The following SYNE1 variants were observed in gnomAD, a reference collection of about 807,000 sequenced individuals.
The protein encoded by SYNE1 is nesprin-1.
Under a neutral mutation model 1,111.0 loss-of-function variants are expected in SYNE1, and 616 were observed. The ratio of observed to expected loss-of-function variants is 0.55; its 90% CI spans 0.52 to 0.59. The LOEUF (loss-of-function observed/expected upper bound fraction) is 0.59. Ranked by LOEUF, SYNE1 falls within the 20% of genes least tolerant of loss-of-function variation. The pLI, the probability that SYNE1 is intolerant of heterozygous loss-of-function variation, is 0.00. For synonymous variants in SYNE1, 3,855 were observed against 3,825.8 expected, an observed-to-expected ratio of 1.01 and a Z score of -0.28; for missense variants, 10,006 against 10,417.0, an observed-to-expected ratio of 0.96 and a Z score of 1.72.
At chr6:152,350,069 T>C in intron 72 of SYNE1, 99 bp downstream of exon 72, 1 of 1,446,410 alleles carries the variant, frequency 6.9e-7, no homozygotes, top group Non-Finnish European at 9.7e-7. Flanking sequence ...GAGATGCACC[T>C]GTGTGTGCAC....
At chr6:152,490,317 AGG>A (rs1469793209) in intron 11 of SYNE1, among the ~76,000 whole-genome samples, 1 of 144,586 alleles carries the variant, frequency 6.9e-6, no homozygotes, top group Non-Finnish European at 1.5e-5. Flanking sequence ...GTGAATATCT[AGG>A]AACAACTACA....
chr6:152,527,325 C>T (rs943669105), intron 4 of SYNE1, among the ~76,000 whole-genome samples: 6 of 152,142 alleles, frequency 3.9e-5, no homozygotes, highest in African/African-American at 7.2e-5. Flanking sequence ...ATTTTTCTCT[C>T]ATTATAAAAT....
chr6:152,416,053 T>C (rs577729196), intron 41 of SYNE1, among the ~76,000 whole-genome samples: 13 of 152,288 alleles, frequency 8.5e-5, no homozygotes, highest in African/African-American at 3.1e-4. Flanking sequence ...GGTTAATCCA[T>C]GTGTTGCAAG....
chr6:152,324,312 T>C (rs1376705634), intron 81 of SYNE1, among the ~76,000 whole-genome samples: 4 of 151,610 alleles, frequency 2.6e-5, no homozygotes, highest in Non-Finnish European at 5.9e-5. Flanking sequence ...GGCAGGAGAA[T>C]TGCTTGAACC....
chr6:152,130,408 C>T (rs2055198420), intron 145 of SYNE1, among the ~76,000 whole-genome samples: 1 of 152,158 alleles, frequency 6.6e-6, no homozygotes, highest in South Asian at 2.1e-4. Flanking sequence ...TAAAAGTCTG[C>T]CATGAATCAA....
At chr6:152,193,906 A>G (rs199905825) in intron 127 of SYNE1, among the ~76,000 whole-genome samples, 18 of 151,512 alleles carry the variant, frequency 1.2e-4, no homozygotes, top group Non-Finnish European at 1.6e-4. Context: ...CCAGCTACTC[A>G]GGAGGCTGAG....
At chr6:152,176,116 AATAAAGAATTTTCTCTTGGGAATTAGT>A (rs1246694425) in intron 130 of SYNE1, among the ~76,000 whole-genome samples, 1 of 152,158 alleles carries the variant, frequency 6.6e-6, no homozygotes, top group African/African-American at 2.4e-5. Context: ...GAAGCCCTAA[AATAAAGAATTTTCTCTTGGGAATTAGT>A]TTTGTTTGGA....
At chr6:152,312,166 C>G (rs2095572460) in intron 87 of SYNE1, among the ~76,000 whole-genome samples, 1 of 150,840 alleles carries the variant, frequency 6.6e-6, no homozygotes, top group Non-Finnish European at 1.5e-5. Context: ...AAATATTTAT[C>G]TGTATATGAT....
chr6:152,372,987 C>CA (rs2097214570), intron 59 of SYNE1, 50 bp downstream of exon 59: 1 of 1,595,710 alleles, frequency 6.3e-7, no homozygotes, highest in Admixed American at 1.7e-5. Context: ...CTAACAACAA[C>CA]AACAATAACA....
chr6:152,241,504 G>GTGTGTGTGTGTGTGTGTGTC (rs1387316751), intron 107 of SYNE1, among the ~76,000 whole-genome samples: 47 of 117,968 alleles, frequency 4.0e-4, no homozygotes, highest in Non-Finnish European at 6.4e-4. Flanking sequence ...CAAGAGCTGT[G>GTGTGTGTGTGTGTGTGTGTC]TGTGTGTGTG....
chr6:152,391,972 G>A (rs1381659100), intron 51 of SYNE1, among the ~76,000 whole-genome samples: 3 of 152,190 alleles, frequency 2.0e-5, no homozygotes, highest in African/African-American at 4.8e-5. Context: ...CTGCTGTCTT[G>A]TATCTACATG....
chr6:152,282,913 G>C (rs896860934), intron 96 of SYNE1, among the ~76,000 whole-genome samples: 3 of 152,058 alleles, frequency 2.0e-5, no homozygotes, highest in African/African-American at 7.2e-5. Flanking sequence ...CCCAGCAACA[G>C]GGTCATGGTT....
chr6:152,541,333 T>C (rs916863834), intron 3 of SYNE1, among the ~76,000 whole-genome samples: 4 of 152,228 alleles, frequency 2.6e-5, no homozygotes, highest in Non-Finnish European at 4.4e-5. Flanking sequence ...CTGGTAGAGA[T>C]AGATCTTTCA....
At chr6:152,409,837 T>C (rs2097986533) in intron 42 of SYNE1, 128 bp from the exon 43 acceptor site, 5 of 973,948 alleles carry the variant, frequency 5.1e-6, no homozygotes, top group Non-Finnish European at 7.8e-6. Context: ...CTACATACTG[T>C]CCTCAAACTA....
intron 30 of SYNE1, among the ~76,000 whole-genome samples, chr6:152,442,653 A>AT (rs1229996798): frequency 5.9e-5 from 9 of 152,310 alleles, no homozygotes; most frequent in African/African-American, 2.2e-4. Flanking sequence ...ATATTAAGAG[A>AT]TTTATGGCCA....
chr6:152,550,586 G>T (rs1166063583), intron 3 of SYNE1, among the ~76,000 whole-genome samples: 1 of 151,310 alleles, frequency 6.6e-6, no homozygotes, highest in African/African-American at 2.4e-5. Flanking sequence ...GGAGGGGACA[G>T]ATGCATCAGC....
At chr6:152,277,924 T>C (rs2093761122) in intron 98 of SYNE1, 165 bp downstream of exon 98, 1 of 816,432 alleles carries the variant, frequency 1.2e-6, no homozygotes, top group South Asian at 1.4e-5. Flanking sequence ...TTTGCCAAAG[T>C]CCAAGAGTGT....
intron 12 of SYNE1, among the ~76,000 whole-genome samples, chr6:152,486,210 TA>T (rs35220031): frequency 0.2 from 29,867 of 149,430 alleles, 3,100 homozygotes; most frequent in Middle Eastern, 0.31. Flanking sequence ...AAAAAAATAT[TA>T]AAAAAAACAA....
intron 42 of SYNE1, 58 bp downstream of exon 42, chr6:152,413,294 C>T (rs2098099051): frequency 6.4e-7 from 1 of 1,573,252 alleles, no homozygotes; most frequent in Non-Finnish European, 8.7e-7. Context: ...AGGCAATGTC[C>T]CAATGTCACA....
Sources: allele counts gnomAD v4.1 joint callset (sites outside exome capture counted in the v4.1 genomes callset), GRCh38; gene constraint gnomAD v4.1.1; transcripts MANE v1.5; gene names NCBI Gene and HGNC (gene_info 2026-07-23, HGNC 2026-07-21).